PCDHGA1: variants seen among roughly 807,000 people sequenced by gnomAD.
PCDHGA1 encodes the protein protocadherin gamma-A1.
PCDHGA1 carries 32 observed loss-of-function variants against 58.0 expected under a neutral mutation model. The ratio of observed to expected loss-of-function variants is 0.55; its 90% CI spans 0.42 to 0.74. The LOEUF is 0.74. Ranked by LOEUF, PCDHGA1 falls within the 30% of genes least tolerant of loss-of-function variation. PCDHGA1 has a pLI of 0.00. For missense variants in PCDHGA1, 1,205 were observed against 1,182.3 expected, an observed-to-expected ratio of 1.02 and a Z score of -0.28; for synonymous variants, 498 against 501.1, an observed-to-expected ratio of 0.99 and a Z score of 0.08.
At chr5:141,423,836 GATA>G (rs752488755) in intron 1 of PCDHGA1, 23 of 1,275,246 alleles carry the variant, frequency 1.8e-5, no homozygotes, top group Non-Finnish European at 2.1e-5. Context: ...ATGAGATTAC[GATA>G]ATCTTTCAGA....
At chr5:141,353,365 T>A (rs1050829838) in intron 1 of PCDHGA1, among the ~76,000 whole-genome samples, 1 of 152,252 alleles carries the variant, frequency 6.6e-6, no homozygotes, top group African/African-American at 2.4e-5. Flanking sequence ...ATGTAATTGA[T>A]GTAATTATGT....
At chr5:141,344,861 A>G in intron 1 of PCDHGA1, 1 of 1,613,966 alleles carries the variant, frequency 6.2e-7, no homozygotes. Flanking sequence ...TCAATGCTCA[A>G]GTGTCTTATA....
At chr5:141,350,351 A>T (rs773201004) in intron 1 of PCDHGA1, 16 of 1,561,252 alleles carry the variant, frequency 1.0e-5, no homozygotes, top group Non-Finnish European at 1.3e-5. Flanking sequence ...CTCCCAGCAG[A>T]TCCGATACAC....
In PCDHGA1 at chr5:141,486,959, G is replaced by A. The variant is rs1161675143; in HGVS notation, c.2422-7848G>A. The A allele has an allele frequency of 1.9e-6, 3 of 1,614,098 alleles. No individual in the cohort carries two copies. In the African/African-American group the frequency reaches 4.0e-5, roughly 22 times the overall value. On this transcript the variant is annotated intron_variant, in intron 1 of 3. Transcript: ENST00000517417. The surrounding 1 kb of genome is among the most constrained non-coding windows in gnomAD (Gnocchi z 5.0). ...CCACCTAATCACAAAGGTGACTGCTGTGGACTTGGATTCAGGTTACAATGC... is the reference window on the plus strand; with the variant it reads ...CCACCTAATCACAAAGGTGACTGCTATGGACTTGGATTCAGGTTACAATGC...
chr5:141,419,122 C>T (rs1418298635), intron 1 of PCDHGA1: 2 of 1,613,862 alleles, frequency 1.2e-6, no homozygotes, highest in African/African-American at 1.3e-5. Flanking sequence ...ACAACGTCAC[C>T]ATCGCAGCCA....
intron 1 of PCDHGA1, chr5:141,403,694 C>A (rs746395931): frequency 2.5e-6 from 4 of 1,613,878 alleles, no homozygotes; most frequent in Admixed American, 1.7e-5. Context: ...ACGGATTTAC[C>A]GAGTTAAAGT....
At chr5:141,458,434 G>T (rs535464730) in intron 1 of PCDHGA1, among the ~76,000 whole-genome samples, 1 of 152,198 alleles carries the variant, frequency 6.6e-6, no homozygotes, top group African/African-American at 2.4e-5. Context: ...GAAAGAGGAG[G>T]TCCCCCACAT....
intron 1 of PCDHGA1, chr5:141,430,973 A>G: frequency 6.2e-7 from 1 of 1,613,266 alleles, no homozygotes; most frequent in East Asian, 2.2e-5. Flanking sequence ...CAGAGGTAGG[A>G]CGCAGCTTTT....
chr5:141,430,996 G>T, intron 1 of PCDHGA1: 1 of 1,614,024 alleles, frequency 6.2e-7, no homozygotes, highest in Middle Eastern at 1.6e-4. Flanking sequence ...CCCTGAATCC[G>T]CGCAGCGGCA....
rs772328241 is a variant in PCDHGA1 at position 141,491,340 on chromosome 5, C to A, written c.2422-3467C>A. On this transcript the variant is annotated intron_variant, in intron 1 of 3. Coordinates refer to ENST00000517417, the MANE Select transcript of PCDHGA1 (RefSeq NM_018912.3). The surrounding 1 kb of genome is among the most constrained non-coding windows in gnomAD (Gnocchi z 6.9). ...TTTACCTCATTGTGGCTCTAGCGACCGTCAGTCTCTTATCCCTAGTCACCT... is the reference window on the plus strand; with the variant it reads ...TTTACCTCATTGTGGCTCTAGCGACAGTCAGTCTCTTATCCCTAGTCACCT... 4.3e-6 allele frequency: 7 copies of A among 1,614,146 alleles called. No homozygotes were observed. Among genetic ancestry groups the A allele is most frequent in the Non-Finnish European group, 5.9e-6 (7 of 1,180,014 alleles).
intron 1 of PCDHGA1, among the ~76,000 whole-genome samples, chr5:141,462,448 G>A (rs1435453503): frequency 6.6e-6 from 1 of 152,022 alleles, no homozygotes; most frequent in Non-Finnish European, 1.5e-5. Context: ...ACACAACTGT[G>A]TAACTGAAAA....
intron 1 of PCDHGA1, among the ~76,000 whole-genome samples, chr5:141,407,512 T>C (rs910710605): frequency 6.6e-6 from 1 of 152,192 alleles, no homozygotes; most frequent in East Asian, 1.9e-4. Context: ...TCTTAGGCTA[T>C]GTAGGACTTA....
At chr5:141,408,052 C>T in intron 1 of PCDHGA1, 1 of 1,283,102 alleles carries the variant, frequency 7.8e-7, no homozygotes, top group Non-Finnish European at 1.0e-6. Context: ...CACACAGAGC[C>T]TCCCGGCTGC....
intron 1 of PCDHGA1, chr5:141,385,543 C>G (rs1284826303): frequency 7.6e-7 from 1 of 1,322,422 alleles, no homozygotes; most frequent in Non-Finnish European, 9.7e-7. Context: ...AATATGTGGA[C>G]TATCACATTT....
intron 1 of PCDHGA1, chr5:141,370,513 AGCTGGACAGGGGCTC>A (rs768998364): frequency 2.8e-5 from 45 of 1,613,894 alleles, no homozygotes; most frequent in Non-Finnish European, 3.6e-5. Context: ...ATTCCCGAGG[AGCTGGACAGGGGCTC>A]GCTGGTAGGG....
rs181806844 is a variant in PCDHGA1 at position 141,445,046 on chromosome 5, G to T, written c.2422-49761G>T. Among the ~76,000 whole-genome samples the T allele has an allele frequency of 1.2e-4, 19 of 152,248 alleles. No individual in the cohort carries two copies. The East Asian group carries it at 3.7e-3, about 29-fold the overall frequency. ...TCAGCTATGTTGTATAGTTTTCAGT[G>T]TAGAGAGGTCATGTATATTTCTCAT... On this transcript the variant is annotated intron_variant, in intron 1 of 3. Transcript: ENST00000517417.
chr5:141,404,739 G>A, intron 1 of PCDHGA1: 1 of 1,614,092 alleles, frequency 6.2e-7, no homozygotes, highest in Non-Finnish European at 8.5e-7. Flanking sequence ...GCAGTGGACA[G>A]AGACTCAGGC....
chr5:141,423,758 G>GGGT, intron 1 of PCDHGA1: 1 of 366,842 alleles, frequency 2.7e-6, no homozygotes, highest in Non-Finnish European at 3.8e-6. Context: ...TTTGGGGGGG[G>GGGT]GGTGGGGCGG....
At chr5:141,510,674 GGCAT>G (rs1388331907) in intron 3 of PCDHGA1, among the ~76,000 whole-genome samples, 6 of 152,132 alleles carry the variant, frequency 3.9e-5, no homozygotes, top group Non-Finnish European at 8.8e-5. Flanking sequence ...AAACTGAAGT[GGCAT>G]AAGGAGGTTA....
Sources: gnomAD v4.1 joint callset for allele counts (sites outside exome capture counted in the v4.1 genomes callset) on GRCh38, gnomAD v4.1.1 for gene constraint, Gnocchi (gnomAD v3.1) non-coding constraint, MANE v1.5 for transcripts, NCBI Gene and HGNC (gene_info 2026-07-23, HGNC 2026-07-21) for gene names.